Variants in DOCK7 observed in about 807,000 individuals in gnomAD.
DOCK7 encodes the protein dedicator of cytokinesis protein 7.
Under a neutral mutation model 271.0 loss-of-function variants are expected in DOCK7, and 138 were observed. The observed-to-expected ratio is 0.51, with a 90% CI of 0.44 to 0.59. The LOEUF (loss-of-function observed/expected upper bound fraction) is 0.59, where lower values mean the gene tolerates loss of function less well. Among genes scored for constraint, DOCK7 ranks in the 20% least tolerant of loss-of-function variants. DOCK7 has a pLI of 0.00. For synonymous variants in DOCK7, 823 were observed against 876.1 expected, an observed-to-expected ratio of 0.94 and a Z score of 1.07; for missense variants, 2,066 against 2,592.4, an observed-to-expected ratio of 0.80 and a Z score of 4.41.
chr1:62,518,050 T>C (rs1032358129), intron 31 of DOCK7, among the ~76,000 whole-genome samples: 3 of 152,018 alleles, frequency 2.0e-5, no homozygotes, highest in Non-Finnish European at 4.4e-5. Context: ...CTTACAAACA[T>C]ATACAAAAAA....
chr1:62,649,758 C>T (rs1052561132), intron 4 of DOCK7, among the ~76,000 whole-genome samples: 1 of 152,146 alleles, frequency 6.6e-6, no homozygotes, highest in Non-Finnish European at 1.5e-5. Flanking sequence ...TTCTCACTCT[C>T]ATTTACGGTT....
At chr1:62,576,872 T>C (rs1646956392) in intron 18 of DOCK7, among the ~76,000 whole-genome samples, 1 of 152,220 alleles carries the variant, frequency 6.6e-6, no homozygotes, top group Non-Finnish European at 1.5e-5. Flanking sequence ...AAAAAATTAA[T>C]TTAAATCTGT....
At chr1:62,543,618 A>C in intron 24 of DOCK7, 38 bp downstream of exon 24, 2 of 1,463,414 alleles carry the variant, frequency 1.4e-6, no homozygotes, top group South Asian at 2.4e-5. Flanking sequence ...TGGTGAAATT[A>C]TTTTCCCCCT....
At chr1:62,615,663 T>C (rs980652094) in intron 14 of DOCK7, among the ~76,000 whole-genome samples, 27 of 151,874 alleles carry the variant, frequency 1.8e-4, no homozygotes, top group African/African-American at 5.3e-4. Context: ...TATTATTCTC[T>C]GGAAATAAAC....
chr1:62,631,035 A>G (rs1654561840), intron 11 of DOCK7, among the ~76,000 whole-genome samples: 1 of 151,956 alleles, frequency 6.6e-6, no homozygotes, highest in South Asian at 2.1e-4. Context: ...AAATACAAAA[A>G]TTAGCCAGGC....
rs778145905 is a variant in DOCK7, at chr1:62,648,369, T to G, written c.519+46A>C. 4 of 1,433,796 alleles carry G rather than the reference T, an allele frequency of 2.8e-6. No homozygotes were observed. The Admixed American group carries it at 1.0e-4, about 36-fold the overall frequency. 88.8% of individuals were successfully genotyped at this position (1,433,796 alleles called of 1,614,324 possible). ...ATATATTAATTAATAAATTGACAAC[T>G]ATTTTTAAATAACTTCTTATAGTTA... On this transcript the variant is annotated intron_variant, in intron 5 of 49. Transcript: ENST00000635253.
chr1:62,489,246 G>A (rs1186587182), intron 41 of DOCK7, among the ~76,000 whole-genome samples, 181 bp from the exon 42 acceptor site: 3 of 152,086 alleles, frequency 2.0e-5, no homozygotes, highest in African/African-American at 4.8e-5. Context: ...TCAGGAGATC[G>A]AGACCACCCT....
At chr1:62,618,468 C>T (rs1320302363) in intron 14 of DOCK7, among the ~76,000 whole-genome samples, 5 of 152,072 alleles carry the variant, frequency 3.3e-5, no homozygotes, top group Non-Finnish European at 7.4e-5. Flanking sequence ...GTAAAATCCA[C>T]CTCAAATAAT....
chr1:62,650,415 G>T (rs1657187364), intron 4 of DOCK7, among the ~76,000 whole-genome samples: 1 of 152,106 alleles, frequency 6.6e-6, no homozygotes, highest in African/African-American at 2.4e-5. Context: ...AATCGTGGAA[G>T]AATTTCATGG....
At chr1:62,621,242 A>C (rs545466499) in intron 12 of DOCK7, among the ~76,000 whole-genome samples, 112 of 152,294 alleles carry the variant, frequency 7.4e-4, no homozygotes, top group Admixed American at 2.5e-3. Context: ...CCTCATACTA[A>C]GGCCAGAAAG....
At chr1:62,668,145 T>C (rs1339263396) in intron 1 of DOCK7, among the ~76,000 whole-genome samples, 1 of 152,206 alleles carries the variant, frequency 6.6e-6, no homozygotes, top group Non-Finnish European at 1.5e-5. Context: ...GAATCAAACC[T>C]TTACATCTAA....
chr1:62,536,702 G>C (rs917455942), intron 28 of DOCK7, among the ~76,000 whole-genome samples: 1 of 152,030 alleles, frequency 6.6e-6, no homozygotes, highest in Non-Finnish European at 1.5e-5. Context: ...ATCACCTACA[G>C]AATCCTATTC....
chr1:62,686,157 CTTTTTTTTT>C lies in DOCK7; in HGVS notation c.38+2061_38+2069del, dbSNP rs1161312915. 7.1e-4 allele frequency among the ~76,000 whole-genome samples: 3 copies of C among 4,204 alleles called. 1 individual carries two copies. The highest frequency in any genetic ancestry group is 7.5e-4 in the African/African-American group (3 of 3,980). The allele number at this position is 4,204 out of a possible 152,430, so 2.8% of individuals were successfully genotyped here. A position where few individuals can be genotyped will look rare whatever the true frequency, so the allele number is the denominator to read the frequency against. On this transcript the variant is annotated intron_variant, in intron 1 of 49. Transcript: ENST00000635253. ...ACTAGGAATACATGTCAAGTAATAA[CTTTTTTTTT>C]TTTTTTTTTTTTTTTTTTTTTTTTT... is the stretch of plus-strand genomic sequence containing the variant.
chr1:62,557,071 T>C (rs1423064347), intron 20 of DOCK7, among the ~76,000 whole-genome samples: 18 of 151,060 alleles, frequency 1.2e-4, no homozygotes, highest in Admixed American at 4.6e-4. Flanking sequence ...TTTTCTTTTT[T>C]TTTTTTTTTT....
intron 9 of DOCK7, 85 bp from the exon 10 acceptor site, chr1:62,633,663 C>T (rs1654900166): frequency 5.6e-6 from 5 of 886,280 alleles, no homozygotes; most frequent in Non-Finnish European, 9.1e-6. Flanking sequence ...CAATATAACA[C>T]ATTAACAGAA....
At chr1:62,467,720 A>T (rs889747080) in intron 48 of DOCK7, among the ~76,000 whole-genome samples, 4 of 152,238 alleles carry the variant, frequency 2.6e-5, no homozygotes, top group African/African-American at 9.6e-5. Context: ...ATTCCACAAG[A>T]CAGAGAAAGA....
rs1553209624 is a variant in DOCK7 at position 62,688,278 on chromosome 1, A to ACGGCGACGG, written c.-23_-15dup. The ACGGCGACGG allele has an allele frequency of 3.1e-5, 39 of 1,275,220 alleles. No homozygotes were observed. Among genetic ancestry groups the ACGGCGACGG allele is most frequent in the East Asian group, 7.0e-5 (2 of 28,666 alleles). 79.0% of individuals were successfully genotyped at this position (1,275,220 alleles called of 1,614,324 possible). On this transcript the variant is annotated 5_prime_UTR_variant, in exon 1 of 50. Transcript: ENST00000635253. ...GCGCTCGGCCATGGCTGCTGCGGCG[A>ACGGCGACGG]CGGCGACGGCGGCGGCGGCTGCGGC...
intron 1 of DOCK7, among the ~76,000 whole-genome samples, chr1:62,664,467 TGA>T (rs1659043448): frequency 6.6e-6 from 1 of 152,196 alleles, no homozygotes; most frequent in African/African-American, 2.4e-5. Flanking sequence ...GCCATGATTG[TGA>T]GGCCTCCCCA....
chr1:62,514,640 AGAT>A (rs1194803011), intron 31 of DOCK7, among the ~76,000 whole-genome samples: 4 of 152,134 alleles, frequency 2.6e-5, no homozygotes, highest in South Asian at 4.1e-4. Context: ...ATAAAAATAC[AGAT>A]GATAATAATA....
Sources: allele counts gnomAD v4.1 joint callset (sites outside exome capture counted in the v4.1 genomes callset), GRCh38; gene constraint gnomAD v4.1.1; transcripts MANE v1.5; gene names NCBI Gene and HGNC (gene_info 2026-07-23, HGNC 2026-07-21).